MTRR: variants seen among roughly 807,000 people sequenced by gnomAD.
MTRR encodes methionine synthase reductase.
Under a neutral mutation model 79.2 loss-of-function variants are expected in MTRR, and 63 were observed. That is an observed-to-expected ratio of 0.80 (90% CI 0.65 to 0.98). The LOEUF is 0.98. Among genes scored for constraint, MTRR ranks in the 50% least tolerant of loss-of-function variants. The probability of loss-of-function intolerance (pLI) is 0.00; values close to 1 mark genes in which losing one functional copy is unlikely to be tolerated. For missense variants in MTRR, 895 were observed against 839.6 expected (o/e 1.07, Z -0.82); for synonymous variants, 355 against 313.3 (o/e 1.13, Z -1.41).
intron 6 of MTRR, chr5:7,885,323 A>G (rs1579720749): frequency 4.7e-6 from 1 of 213,042 alleles, no homozygotes; most frequent in South Asian, 7.0e-5. Flanking sequence ...GTCATAATGT[A>G]TGTTTTCGTG....
At chr5:7,878,670 A>G (rs1434515202) in intron 5 of MTRR, among the ~76,000 whole-genome samples, 3 of 152,272 alleles carry the variant, frequency 2.0e-5, no homozygotes, top group Non-Finnish European at 4.4e-5. Flanking sequence ...ATAAGAACTC[A>G]GTTTCATCAT....
rs775996007 is a variant in MTRR at position 7,869,190 on chromosome 5, G to T, written c.-51G>T. On this transcript the variant is annotated 5_prime_UTR_variant, in exon 1 of 15. Transcript: ENST00000440940. ...GGTTGGTGGAAGTCGCGTTGTGCAGGTTCGTGCCCGGCTGGCGCGGCGTGG... is the reference window on the plus strand; with the variant it reads ...GGTTGGTGGAAGTCGCGTTGTGCAGTTTCGTGCCCGGCTGGCGCGGCGTGG... 6.8e-6 allele frequency: 11 copies of T among 1,610,458 alleles called. No homozygotes were observed. The highest frequency in any genetic ancestry group is 1.7e-5 in the Admixed American group (1 of 60,024).
intron 10 of MTRR, among the ~76,000 whole-genome samples, chr5:7,891,715 C>CGG (rs1737616955): frequency 1.3e-5 from 2 of 152,014 alleles, no homozygotes; most frequent in African/African-American, 4.8e-5. Flanking sequence ...GAGTGGCAGC[C>CGG]GGAGGCAGGG....
chr5:7,899,393 C>T (rs913660788), intron 14 of MTRR, among the ~76,000 whole-genome samples: 2 of 152,190 alleles, frequency 1.3e-5, no homozygotes, highest in African/African-American at 4.8e-5. Context: ...AGGAGGGGTA[C>T]CGCCCCCTTC....
chr5:7,879,707 C>A (rs893718933), intron 5 of MTRR, among the ~76,000 whole-genome samples: 19 of 152,270 alleles, frequency 1.2e-4, no homozygotes, highest in African/African-American at 4.3e-4. Flanking sequence ...GGATTGGGCA[C>A]AGTGAGAAGC....
intron 7 of MTRR, 102 bp downstream of exon 7, chr5:7,885,956 C>T (rs1471596192): frequency 6.7e-7 from 1 of 1,481,602 alleles, no homozygotes; most frequent in African/African-American, 1.4e-5. Context: ...GTGTTGGCCG[C>T]ACAGATGCCT....
At position 7,900,286 on chromosome 5, in the gene MTRR, C is replaced by G. The variant is rs1739277488; in HGVS notation, c.*228C>G. 12 of 530,378 alleles carry G rather than the reference C, an allele frequency of 2.3e-5. 1 individual carries two copies. The South Asian group carries it at 2.5e-4, about 11-fold the overall frequency. 32.9% of individuals were successfully genotyped at this position (530,378 alleles called of 1,614,324 possible). A position where few individuals can be genotyped will look rare whatever the true frequency, so the allele number is the denominator to read the frequency against. On this transcript the variant is annotated 3_prime_UTR_variant, in exon 15 of 15. Coordinates refer to ENST00000440940, the MANE Select transcript of MTRR (RefSeq NM_002454.3). The stretch of plus-strand genomic sequence containing the variant: ...GTGCCTGTGACTCTCCCCAAATTGC[C>G]CTGTTGCCTTGAGCTCTTCTGAGCT...
chr5:7,897,093 G>A lies in MTRR; in HGVS notation c.1798G>A (p.Gly600Arg). The A allele has an allele frequency of 6.2e-7, 1 of 1,614,026 alleles. No homozygotes were observed. Among genetic ancestry groups the A allele is most frequent in the Non-Finnish European group, 8.5e-7 (1 of 1,179,990 alleles). Residue 600 changes from glycine (G) to arginine (R), a missense_variant, in exon 14 of 15, where the codon GGG becomes AGG. Coordinates refer to ENST00000440940, the MANE Select transcript of MTRR (RefSeq NM_002454.3). ...RKELRHFLKH[G>R]ILTHLKVSFS... ...AGAGCTCAGACATTTCCTTAAGCAT[G>A]GGATCTTAACTCATCTAAAGGTTTC...
chr5:7,886,971 C>T (rs1736588993), intron 8 of MTRR, among the ~76,000 whole-genome samples: 1 of 152,020 alleles, frequency 6.6e-6, no homozygotes, highest in Non-Finnish European at 1.5e-5. Context: ...AGGGCTTTTT[C>T]TTTGTCTTAC....
intron 11 of MTRR, among the ~76,000 whole-genome samples, chr5:7,894,871 T>C (rs1289498719): frequency 2.0e-5 from 3 of 152,240 alleles, no homozygotes; most frequent in Non-Finnish European, 4.4e-5. Flanking sequence ...GTGAATACTT[T>C]CAGTAAATCT....
intron 8 of MTRR, among the ~76,000 whole-genome samples, chr5:7,888,830 T>A (rs1737051798): frequency 6.6e-6 from 1 of 152,270 alleles, no homozygotes; most frequent in Non-Finnish European, 1.5e-5. Flanking sequence ...GCAAGTTTGA[T>A]GTTTTGTTCA....
chr5:7,890,359 T>A lies in MTRR; in HGVS notation c.1328-1013T>A, dbSNP rs1490810151. ...TGTCCTCAGGCTGGCCCTCTCACCCTCTTCAGTGAAGTCTTCGAGAACCAT... is the reference window on the plus strand; with the variant it reads ...TGTCCTCAGGCTGGCCCTCTCACCCACTTCAGTGAAGTCTTCGAGAACCAT... On this transcript the variant is annotated intron_variant, in intron 9 of 14. Transcript: ENST00000440940. 4.1e-6 allele frequency: 4 copies of A among 985,276 alleles called. No homozygotes were observed. The East Asian group carries it at 4.5e-4, about 112-fold the overall frequency. The allele number at this position is 985,276 out of a possible 1,614,324, so 61.0% of individuals were successfully genotyped here.
At chr5:7,890,357 C>T (rs1199960272) in intron 9 of MTRR, 1 of 985,402 alleles carries the variant, frequency 1.0e-6, no homozygotes, top group Non-Finnish European at 1.2e-6. Context: ...GCCCTCTCAC[C>T]CTCTTCAGTG....
chr5:7,861,769 G>C (rs1322757678), intron 1 of MTRR: 1 of 1,460,098 alleles, frequency 6.8e-7, no homozygotes, highest in Admixed American at 2.3e-5. Flanking sequence ...CAATTGGACT[G>C]AAGGCTGCAA....
chr5:7,869,982 G>A (rs12653464), intron 1 of MTRR: 324,863 of 981,630 alleles, frequency 0.33, 56,170 homozygotes, highest in South Asian at 0.43. Context: ...TTTGGTTTGG[G>A]TTTCAGTTTA....
chr5:7,889,207 C>G lies in MTRR; in HGVS notation c.1259C>G (p.Ala420Gly). 1.2e-6 allele frequency: 2 copies of G among 1,613,780 alleles called. No homozygotes were observed. Among genetic ancestry groups the G allele is most frequent in the Middle Eastern group, 3.5e-4 (2 of 5,740 alleles). The change falls in exon 9 of 15, where the codon GCC becomes GGC. Residue 420 changes from alanine (A) to glycine (G), a missense_variant. Transcript: ENST00000440940. Reference protein sequence around the residue: ...AADYSRFVRDACACLLDLLLA... With the variant: ...AADYSRFVRDGCACLLDLLLA... ...GATTATAGCCGCTTTGTACGAGATG[C>G]CTGTGCCTGCTTGTTGGATCTCCTC...
At chr5:7,869,583 G>C in intron 1 of MTRR, 1 of 271,862 alleles carries the variant, frequency 3.7e-6, no homozygotes, top group Non-Finnish European at 7.2e-6. Flanking sequence ...GCGCTCCGGG[G>C]AACCCGGGAC....
chr5:7,856,290 T>A (rs2126578539), intron 1 of MTRR, among the ~76,000 whole-genome samples: 1 of 152,308 alleles, frequency 6.6e-6, no homozygotes, highest in Non-Finnish European at 1.5e-5. Context: ...TTCCATTTTA[T>A]TGCTCTGATT....
chr5:7,900,108 A>G lies in MTRR; in HGVS notation c.*50A>G, dbSNP rs763537642. 3 of 1,603,298 alleles carry G rather than the reference A, an allele frequency of 1.9e-6. No homozygotes were observed. In the South Asian group the frequency reaches 3.4e-5, roughly 18 times the overall value. On this transcript the variant is annotated 3_prime_UTR_variant, in exon 15 of 15. Transcript: ENST00000440940. ...TAAGCTTTTTTGACTGAAAGTACTA[A>G]AAGTCAGCTTTACTAGTGCCAAACC... is the stretch of plus-strand genomic sequence containing the variant.
Sources: allele counts gnomAD v4.1 joint callset (sites outside exome capture counted in the v4.1 genomes callset), GRCh38; gene constraint gnomAD v4.1.1; transcripts MANE v1.5; gene names NCBI Gene and HGNC (gene_info 2026-07-23, HGNC 2026-07-21).